ST3GAL3: variants seen among roughly 807,000 people sequenced by gnomAD.
ST3GAL3 encodes CMP-N-acetylneuraminate-beta-1,4-galactoside alpha-2,3-sialyltransferase.
Under a neutral mutation model 50.1 loss-of-function variants are expected in ST3GAL3, and 21 were observed. The observed-to-expected ratio is 0.42, with a 90% CI of 0.30 to 0.60. ST3GAL3 has a LOEUF of 0.60. Ranked by LOEUF, ST3GAL3 falls within the 20% of genes least tolerant of loss-of-function variation. ST3GAL3 has a pLI of 0.19. For synonymous variants in ST3GAL3, 183 were observed against 190.0 expected (o/e 0.96, Z 0.30); for missense variants, 353 against 489.4 (o/e 0.72, Z 2.63).
In ST3GAL3 at chr1:43,899,238, A is replaced by G. The variant is rs1558785126; in HGVS notation, c.532A>G (p.Ile178Val). 3 of 1,614,208 alleles carry G rather than the reference A, an allele frequency of 1.9e-6. No homozygotes were observed. Among genetic ancestry groups the G allele is most frequent in the East Asian group, 4.5e-5 (2 of 44,880 alleles). ...VLANKSLGSRIDDYDIVVRLN... is the reference protein window; with the variant it reads ...VLANKSLGSRVDDYDIVVRLN... ...TGCCAACAAGTCTCTGGGGTCACGA[A>G]TTGACGACTATGACATTGTGGTGAG... Residue 178 changes from isoleucine to valine, a missense_variant, in exon 8 of 12, where the codon ATT becomes GTT. Transcript: ENST00000347631. The surrounding 1 kb of genome is among the most constrained non-coding windows in gnomAD (Gnocchi z 5.4).
At chr1:43,782,047 A>G (rs1699543638) in intron 2 of ST3GAL3, among the ~76,000 whole-genome samples, 1 of 152,148 alleles carries the variant, frequency 6.6e-6, no homozygotes, top group South Asian at 2.1e-4. Context: ...TGTGGCTTCC[A>G]TTCTCACGGA....
chr1:43,917,284 A>T (rs1028962979), intron 9 of ST3GAL3, among the ~76,000 whole-genome samples: 15 of 150,198 alleles, frequency 1.0e-4, no homozygotes, highest in African/African-American at 3.4e-4. Flanking sequence ...TTAGTGAGTT[A>T]AATTTTTCCA....
chr1:43,906,235 G>C (rs1333514497), intron 9 of ST3GAL3, among the ~76,000 whole-genome samples: 4 of 86,518 alleles, frequency 4.6e-5, no homozygotes, highest in African/African-American at 1.9e-4. Flanking sequence ...CCCTCCTCCT[G>C]CTCCTCTTCC....
At chr1:43,755,977 T>C (rs1050306397) in intron 2 of ST3GAL3, among the ~76,000 whole-genome samples, 16 of 151,734 alleles carry the variant, frequency 1.1e-4, no homozygotes, top group Non-Finnish European at 1.6e-4. Context: ...GGTACATGCC[T>C]GTTGTCCTAG....
chr1:43,903,411 G>T (rs2078626943), intron 9 of ST3GAL3, among the ~76,000 whole-genome samples: 1 of 152,168 alleles, frequency 6.6e-6, no homozygotes, highest in Admixed American at 6.5e-5. Context: ...AGAAGCCCCT[G>T]GGAACTGCCT....
chr1:43,895,650 G>A (rs2077288404), intron 6 of ST3GAL3, among the ~76,000 whole-genome samples: 1 of 152,168 alleles, frequency 6.6e-6, no homozygotes, highest in South Asian at 2.1e-4. Flanking sequence ...TACTCAGCCA[G>A]ACTATCTCTC....
intron 2 of ST3GAL3, among the ~76,000 whole-genome samples, chr1:43,760,010 A>T (rs1689682576): frequency 6.6e-6 from 1 of 152,170 alleles, no homozygotes; most frequent in South Asian, 2.1e-4. Flanking sequence ...CTGCACACTG[A>T]AGCTTTATTG....
rs1383428740 is a variant in ST3GAL3, at chr1:43,917,518, ATATAT to A, written c.745-2875_745-2871del. Among the ~76,000 whole-genome samples the A allele has an allele frequency of 1.9e-4, 14 of 72,372 alleles. No homozygotes were observed. The South Asian group carries it at 2.1e-3, about 11-fold the overall frequency. 47.5% of individuals were successfully genotyped at this position (72,372 alleles called of 152,430 possible). On this transcript the variant is annotated intron_variant, in intron 9 of 11. Transcript: ENST00000347631. ...TATATAATATATTATATAATATAAT[ATATAT>A]TATATTATATAATATATTATGTATT...
intron 2 of ST3GAL3, among the ~76,000 whole-genome samples, chr1:43,743,290 G>GA (rs1160354874): frequency 2.0e-5 from 3 of 151,568 alleles, no homozygotes; most frequent in East Asian, 3.9e-4. Context: ...AATATTGGGG[G>GA]AAAAAACCTA....
intron 2 of ST3GAL3, among the ~76,000 whole-genome samples, chr1:43,743,077 A>C (rs1571922607): frequency 8.4e-6 from 1 of 119,100 alleles, no homozygotes; most frequent in East Asian, 2.4e-4. Flanking sequence ...TGACAGAGCG[A>C]GACTCCGTCT....
intron 5 of ST3GAL3, among the ~76,000 whole-genome samples, chr1:43,867,637 G>C (rs1490166601): frequency 6.6e-6 from 1 of 152,170 alleles, no homozygotes; most frequent in Non-Finnish European, 1.5e-5. Context: ...TCTACCTGTA[G>C]ACATGCTTTA....
chr1:43,896,120 T>G (rs1453076743), intron 6 of ST3GAL3, among the ~76,000 whole-genome samples: 6 of 152,150 alleles, frequency 3.9e-5, no homozygotes, highest in African/African-American at 1.4e-4. Flanking sequence ...CCTACCCCAT[T>G]CTCACTCAAC....
intron 2 of ST3GAL3, among the ~76,000 whole-genome samples, chr1:43,790,217 A>G (rs1377197613): frequency 1.3e-5 from 2 of 152,258 alleles, no homozygotes; most frequent in Admixed American, 1.3e-4. Context: ...TGCCAGGTGT[A>G]GCAGTGAATA....
chr1:43,778,561 A>G (rs971810165), intron 2 of ST3GAL3, among the ~76,000 whole-genome samples: 3 of 152,134 alleles, frequency 2.0e-5, no homozygotes. Context: ...AAAGAAAACA[A>G]TTACAAAATA....
chr1:43,917,748 G>A (rs140362314), intron 9 of ST3GAL3, among the ~76,000 whole-genome samples: 29 of 139,290 alleles, frequency 2.1e-4, no homozygotes, highest in Non-Finnish European at 3.5e-4. Flanking sequence ...GGCCCACTGC[G>A]ACCTCTGTCC....
At chr1:43,726,891 G>T (rs1447657895) in intron 1 of ST3GAL3, among the ~76,000 whole-genome samples, 3 of 152,110 alleles carry the variant, frequency 2.0e-5, no homozygotes, top group Admixed American at 2.0e-4. Context: ...ATTGTTTCTG[G>T]CCCTGTATCC....
rs56873855 is a variant in ST3GAL3 at position 43,718,679 on chromosome 1, C to CTT, written c.-31+11011_-31+11012dup. ...ACGTGTTTTTATCCTTCTGCTACAT[C>CTT]TTTTTTTTTTTTTTTTTTTTTTTTT... On this transcript the variant is annotated intron_variant, in intron 1 of 11. Coordinates refer to ENST00000347631, the MANE Select transcript of ST3GAL3 (RefSeq NM_006279.5). Among the ~76,000 whole-genome samples, 237 of 29,142 alleles carry CTT rather than the reference C, an allele frequency of 8.1e-3. 18 individuals carry two copies. The highest frequency in any genetic ancestry group is 0.021 in the African/African-American group (220 of 10,652). 19.1% of individuals were successfully genotyped at this position (29,142 alleles called of 152,430 possible). A position where few individuals can be genotyped will look rare whatever the true frequency, so the allele number is the denominator to read the frequency against.
At chr1:43,720,593 T>A (rs561826383) in intron 1 of ST3GAL3, 1 of 152,270 alleles carries the variant, frequency 6.6e-6, no homozygotes, top group East Asian at 1.9e-4. Context: ...AGAAAGAGAC[T>A]GAACTCACAG....
At chr1:43,779,026 T>C (rs1572695655) in intron 2 of ST3GAL3, among the ~76,000 whole-genome samples, 1 of 150,884 alleles carries the variant, frequency 6.6e-6, no homozygotes, top group African/African-American at 2.4e-5. Context: ...CACTGCAACC[T>C]CCACCTCCCA....
Sources: allele counts gnomAD v4.1 joint callset (sites outside exome capture counted in the v4.1 genomes callset), GRCh38; gene constraint gnomAD v4.1.1; non-coding constraint Gnocchi (gnomAD v3.1); transcripts MANE v1.5; gene names NCBI Gene and HGNC (gene_info 2026-07-23, HGNC 2026-07-21).